RHBDD1: variants seen among roughly 807,000 people sequenced by gnomAD.
The protein encoded by RHBDD1 is rhomboid-related protein 4.
A neutral mutation model predicts 36.3 loss-of-function variants in RHBDD1; 38 were observed. The ratio of observed to expected loss-of-function variants is 1.05; its 90% CI spans 0.81 to 1.37. The LOEUF (loss-of-function observed/expected upper bound fraction) is 1.37, where lower values mean the gene tolerates loss of function less well. Ranked by LOEUF, RHBDD1 falls within the 40% of genes most tolerant of loss-of-function variation. The pLI is 0.00. For missense variants in RHBDD1, 393 were observed against 377.6 expected (o/e 1.04, Z -0.34); for synonymous variants, 151 against 136.5 (o/e 1.11, Z -0.74).
intron 3 of RHBDD1, among the ~76,000 whole-genome samples, chr2:226,849,726 T>C (rs1031630072): frequency 1.3e-5 from 2 of 152,094 alleles, no homozygotes; most frequent in African/African-American, 4.8e-5. Flanking sequence ...TCTATATCTA[T>C]ATAATCTGTA....
chr2:226,895,492 G>T (rs1488355646), intron 5 of RHBDD1, among the ~76,000 whole-genome samples: 2 of 152,176 alleles, frequency 1.3e-5, no homozygotes, highest in Non-Finnish European at 2.9e-5. Context: ...TCTAGGATGT[G>T]TCTGGTTACA....
chr2:226,864,944 A>G lies in RHBDD1; in HGVS notation c.251A>G (p.Asn84Ser), dbSNP rs755612997. 14 of 1,614,114 alleles carry G rather than the reference A, an allele frequency of 8.7e-6. No homozygotes were observed. The highest frequency in any genetic ancestry group is 1.2e-5 in the Non-Finnish European group (14 of 1,180,044). Reference sequence around the variant, plus strand: ...GCTGATGATTGGCATTTGTATTTCAATATGGCATCCATGCTCTGGAAAGGA... The same window carrying G: ...GCTGATGATTGGCATTTGTATTTCAGTATGGCATCCATGCTCTGGAAAGGA... The part of the protein sequence containing the change: ...HHADDWHLYF[N>S]MASMLWKGIN... Residue 84 changes from asparagine (N) to serine (S), a missense_variant, in exon 4 of 9, where the codon AAT becomes AGT. Asn to Ser is a conservative substitution (Grantham distance 46). Coordinates refer to ENST00000392062, the MANE Select transcript of RHBDD1 (RefSeq NM_001167608.3).
At chr2:226,870,011 GT>G (rs1461651315) in intron 5 of RHBDD1, among the ~76,000 whole-genome samples, 1 of 152,190 alleles carries the variant, frequency 6.6e-6, no homozygotes. Flanking sequence ...ATGAACCTCT[GT>G]GTGTTCTCGT....
chr2:226,978,270 C>G (rs1383383651), intron 8 of RHBDD1, among the ~76,000 whole-genome samples: 1 of 152,080 alleles, frequency 6.6e-6, no homozygotes, highest in Non-Finnish European at 1.5e-5. Context: ...ACTCTTTTTT[C>G]TCCATGTACC....
the RHBDD1 span, among the ~76,000 whole-genome samples, chr2:226,819,942 T>C: frequency 6.6e-6 from 1 of 151,346 alleles, no homozygotes; most frequent in African/African-American, 2.4e-5. Context: ...AAATATTAAG[T>C]TCAGGTTTAA....
chr2:226,954,872 A>G (rs1208766573), intron 8 of RHBDD1, among the ~76,000 whole-genome samples: 1 of 151,910 alleles, frequency 6.6e-6, no homozygotes, highest in Non-Finnish European at 1.5e-5. Context: ...GCTTAGGGAG[A>G]AGGAGAGAGT....
intron 5 of RHBDD1, among the ~76,000 whole-genome samples, chr2:226,885,455 C>T (rs1946126087): frequency 6.6e-6 from 1 of 152,006 alleles, no homozygotes; most frequent in African/African-American, 2.4e-5. Context: ...TCATGTTGTA[C>T]ATCATGATAG....
chr2:226,841,263 G>A (rs576952077), intron 3 of RHBDD1, among the ~76,000 whole-genome samples: 1 of 152,098 alleles, frequency 6.6e-6, no homozygotes, highest in Admixed American at 6.5e-5. Flanking sequence ...CTCCCTAGTA[G>A]CTGGGACTAC....
chr2:226,851,572 T>G (rs1942816592), intron 3 of RHBDD1, among the ~76,000 whole-genome samples: 1 of 152,146 alleles, frequency 6.6e-6, no homozygotes, highest in South Asian at 2.1e-4. Flanking sequence ...TCTTTGCTTT[T>G]TTTTAACCTC....
At chr2:226,869,543 C>T (rs1291835043) in intron 5 of RHBDD1, among the ~76,000 whole-genome samples, 1 of 152,158 alleles carries the variant, frequency 6.6e-6, no homozygotes, top group Non-Finnish European at 1.5e-5. Flanking sequence ...ACTGTATGGG[C>T]TGCCCTTCGG....
chr2:226,900,653 C>A (rs1947509925), intron 5 of RHBDD1, among the ~76,000 whole-genome samples: 1 of 152,156 alleles, frequency 6.6e-6, no homozygotes, highest in Non-Finnish European at 1.5e-5. Flanking sequence ...CAGTCATTAT[C>A]TATACCAGTG....
intron 8 of RHBDD1, among the ~76,000 whole-genome samples, chr2:226,936,063 T>TTC (rs1389650984): frequency 6.6e-6 from 1 of 152,106 alleles, no homozygotes. Context: ...ATTTGGTATG[T>TTC]TCTCCCCCAG....
chr2:226,846,935 A>C (rs1942288296), intron 3 of RHBDD1, among the ~76,000 whole-genome samples: 1 of 152,188 alleles, frequency 6.6e-6, no homozygotes, highest in Non-Finnish European at 1.5e-5. Flanking sequence ...AGTTGTCAGA[A>C]TTGCAGCTTA....
Position 226,964,007 on chromosome 2 carries a change from C to T in RHBDD1, c.857-31424C>T, listed in dbSNP as rs116184782. ...CCAGCTTCTCAGAAAAATATTTTGT[C>T]ATTGAGTATCCCCTTTTCCCTTGTG... On this transcript the variant is annotated intron_variant, in intron 8 of 8. Coordinates refer to ENST00000392062, the MANE Select transcript of RHBDD1 (RefSeq NM_001167608.3). Among the ~76,000 whole-genome samples the T allele has an allele frequency of 5.6e-3, 859 of 152,156 alleles. 10 individuals carry two copies. The highest frequency in any genetic ancestry group is 0.02 in the African/African-American group (825 of 41,516).
At chr2:226,828,932 T>C in the RHBDD1 span, among the ~76,000 whole-genome samples, 1 of 152,166 alleles carries the variant, frequency 6.6e-6, no homozygotes, top group Non-Finnish European at 1.5e-5. Flanking sequence ...CTTTTGTGGA[T>C]TGTACTTTTC....
chr2:226,869,098 A>G (rs1334357973), intron 5 of RHBDD1: 1 of 770,286 alleles, frequency 1.3e-6, no homozygotes, highest in Non-Finnish European at 1.6e-6. Context: ...TAATATTCTT[A>G]TGCAACTATT....
intron 8 of RHBDD1, among the ~76,000 whole-genome samples, chr2:226,938,094 G>A (rs908422574): frequency 7.9e-5 from 12 of 151,832 alleles, no homozygotes; most frequent in Non-Finnish European, 1.0e-4. Flanking sequence ...CCACAATCTC[G>A]CCGGCAGCTG....
At chr2:226,860,039 A>G (rs1293671450) in intron 3 of RHBDD1, among the ~76,000 whole-genome samples, 6 of 152,200 alleles carry the variant, frequency 3.9e-5, no homozygotes, top group Non-Finnish European at 8.8e-5. Flanking sequence ...GAATTAATAA[A>G]ACTTGATGGA....
At chr2:226,988,432 C>T (rs140122767) in intron 8 of RHBDD1, 24 of 1,550,254 alleles carry the variant, frequency 1.5e-5, no homozygotes, top group African/African-American at 1.4e-4. Context: ...TGAAGCAGGC[C>T]GCAGTTTGGA....
Sources: gnomAD v4.1 joint callset for allele counts (sites outside exome capture counted in the v4.1 genomes callset) on GRCh38, gnomAD v4.1.1 for gene constraint, MANE v1.5 for transcripts, NCBI Gene and HGNC (gene_info 2026-07-23, HGNC 2026-07-21) for gene names.